DVL2: variants seen among roughly 807,000 people sequenced by gnomAD.
The protein encoded by DVL2 is segment polarity protein dishevelled homolog DVL-2.
Under a neutral mutation model 69.8 loss-of-function variants are expected in DVL2, and 38 were observed. That is an observed-to-expected ratio of 0.54 (90% CI 0.42 to 0.71). The LOEUF (loss-of-function observed/expected upper bound fraction) is 0.71. Ranked by LOEUF, DVL2 falls within the 30% of genes least tolerant of loss-of-function variation. DVL2 has a pLI of 0.00. For synonymous variants in DVL2, 428 were observed against 392.4 expected (o/e 1.09, Z -1.07); for missense variants, 931 against 1,008.1 (o/e 0.92, Z 1.04).
intron 1 of DVL2, among the ~76,000 whole-genome samples, chr17:7,231,336 G>A (rs2071539475): frequency 6.6e-6 from 1 of 150,446 alleles, no homozygotes; most frequent in African/African-American, 2.4e-5. Flanking sequence ...GATGGTGGGT[G>A]TCTATAATCC....
chr17:7,228,135 A>G lies in DVL2; in HGVS notation c.1035-91T>C, dbSNP rs546945495. 3 of 1,081,638 alleles carry G rather than the reference A, an allele frequency of 2.8e-6. No individual in the cohort carries two copies. The Admixed American group carries it at 7.2e-5, about 26-fold the overall frequency. 67.0% of individuals were successfully genotyped at this position (1,081,638 alleles called of 1,614,324 possible). On this transcript the variant is annotated intron_variant, in intron 9 of 14. Transcript: ENST00000005340. ...GAAGCAAGGATGGATTAAGAGACAC[A>G]AAGAGGGGGAGAAGCAAGCACATCG...
In DVL2 at chr17:7,229,232, T is replaced by C. The variant is rs762008450; in HGVS notation, c.860A>G (p.Asn287Ser). Residue 287 changes from asparagine (N) to serine (S), a missense_variant, in exon 8 of 15, where the codon AAT (asparagine) becomes AGT (serine). Physicochemically the swap from Asn to Ser is conservative, Grantham distance 46. This residue lies in a region of DVL2 where 555 missense variants were observed against 588.8 expected (regional missense o/e 0.94). Transcript: ENST00000005340. This position sits in a 1 kb window ranked among gnomAD's most constrained non-coding sequence, Gnocchi z 4.4. The stretch of plus-strand genomic sequence containing the variant: ...GTAGATGCCTCCGTCTCCCCGCTCA[T>C]TGCTCTGGCCAACAATGGAGATACC... The part of the protein sequence containing the change: ...FLGISIVGQS[N>S]ERGDGGIYIG... 1.2e-6 allele frequency: 2 copies of C among 1,614,144 alleles called. No individual in the cohort carries two copies. The highest frequency in any genetic ancestry group is 1.7e-6 in the Non-Finnish European group (2 of 1,180,010).
chr17:7,231,098 C>G (rs1049588963), intron 1 of DVL2, among the ~76,000 whole-genome samples: 10 of 152,168 alleles, frequency 6.6e-5, no homozygotes, highest in African/African-American at 2.4e-4. Context: ...CACGCTGATG[C>G]GGCTGCCTGA....
In DVL2 at chr17:7,226,018, G is replaced by A. The variant is rs1221220487; in HGVS notation, c.2058C>T (p.Pro686=). 1.2e-6 allele frequency: 2 copies of A among 1,612,888 alleles called. No homozygotes were observed. Among genetic ancestry groups the A allele is most frequent in the African/African-American group, 2.7e-5 (2 of 75,044 alleles). ...CTGGAGGGACTGGAGGTGGAGGTGG[G>A]GGCATCATGACCACCATCATGGGGT... The part of the protein sequence containing the change: ...PYNPMMVVMM[P]PPPPPVPPAV... Residue 686 remains proline, a synonymous_variant, in exon 15 of 15, where the codon CCC becomes CCT. Transcript: ENST00000005340.
Position 7,230,038 on chromosome 17 carries a change from C to A in DVL2, c.520+8G>T, listed in dbSNP as rs369510928. The A allele has an allele frequency of 5.6e-5, 91 of 1,613,480 alleles. No homozygotes were observed. The African/African-American group carries it at 1.2e-3, about 21-fold the overall frequency. ...CAGCCCTTCCCGGCCCCCAGGCCTG[C>A]CCCTCACCGCCATGCTCACTGCTGT... On this transcript the variant is annotated splice_region_variant and intron_variant, in intron 4 of 14. Coordinates refer to ENST00000005340, the MANE Select transcript of DVL2 (RefSeq NM_004422.3).
At chr17:7,230,512 G>C (rs1223657465) in intron 2 of DVL2, 82 bp from the exon 3 acceptor site, 1 of 1,562,612 alleles carries the variant, frequency 6.4e-7, no homozygotes, top group Non-Finnish European at 8.7e-7. Context: ...AATGAGAAAG[G>C]GTCTCAGAGA....
Position 7,229,920 on chromosome 17 carries a change from G to A in DVL2, c.544C>T (p.Pro182Ser). ...HGAGGHRTGG[P>S]SRLERHLAGY... is the part of the protein sequence containing the mutation. ...GCCAGGTGGCGCTCCAGCCTTGAGG[G>A]GCCACCAGTCCTGTGGCCCCCAGCT... Residue 182 changes from proline to serine, a missense_variant, in exon 5 of 15, where the codon CCC becomes TCC. Physicochemically the swap from Pro to Ser is moderately conservative, Grantham distance 74 (BLOSUM62 -1). This residue lies in a region of DVL2 where 555 missense variants were observed against 588.8 expected (regional missense o/e 0.94). Transcript: ENST00000005340. The surrounding 1 kb of genome is among the most constrained non-coding windows in gnomAD (Gnocchi z 4.4). 6.2e-7 allele frequency: 1 copy of A among 1,608,958 alleles called. No individual in the cohort carries two copies. Among genetic ancestry groups the A allele is most frequent in the Non-Finnish European group, 8.5e-7 (1 of 1,179,842 alleles).
chr17:7,226,330 G>T lies in DVL2; in HGVS notation c.1763-17C>A, dbSNP rs371737565. The T allele has an allele frequency of 6.5e-7, 1 of 1,548,178 alleles. No homozygotes were observed. The highest frequency in any genetic ancestry group is 1.4e-5 in the African/African-American group (1 of 72,932). ...TCCGGCTGCCTGTGGAGGGAGGGGAGGGGCAACTGAGTCCTCACCCAGGCT... is the reference window on the plus strand; with the variant it reads ...TCCGGCTGCCTGTGGAGGGAGGGGATGGGCAACTGAGTCCTCACCCAGGCT... On this transcript the variant is annotated splice_polypyrimidine_tract_variant and intron_variant, in intron 14 of 14. Coordinates refer to ENST00000005340, the MANE Select transcript of DVL2 (RefSeq NM_004422.3).
At position 7,234,267 on chromosome 17, in the gene DVL2, T is replaced by C. The variant is rs766891440; in HGVS notation, c.-5A>G. 1 of 1,607,566 alleles carries C rather than the reference T, an allele frequency of 6.2e-7. No homozygotes were observed. Among genetic ancestry groups the C allele is most frequent in the Admixed American group, 1.7e-5 (1 of 59,400 alleles). ...CCCAGTGCTGCTACCCGCCATGGTCTCGCCCGCGCGCTCCCGGGCTCCACC... is the reference window on the plus strand; with the variant it reads ...CCCAGTGCTGCTACCCGCCATGGTCCCGCCCGCGCGCTCCCGGGCTCCACC... On this transcript the variant is annotated 5_prime_UTR_variant, in exon 1 of 15. Coordinates refer to ENST00000005340, the MANE Select transcript of DVL2 (RefSeq NM_004422.3).
intron 10 of DVL2, 41 bp downstream of exon 10, chr17:7,227,936 C>T (rs1567573278): frequency 6.3e-7 from 1 of 1,575,676 alleles, no homozygotes; most frequent in African/African-American, 1.3e-5. Context: ...CCTGGGCAGC[C>T]CCCACCCCCA....
In DVL2 at chr17:7,229,146, T is replaced by A; in HGVS notation, c.946A>T (p.Met316Leu). 1 of 1,614,052 alleles carries A rather than the reference T, an allele frequency of 6.2e-7. No homozygotes were observed. Among genetic ancestry groups the A allele is most frequent in the Non-Finnish European group, 8.5e-7 (1 of 1,179,932 alleles). Residue 316 changes from methionine (M) to leucine (L), a missense_variant, in exon 8 of 15, where the codon ATG becomes TTG. Physicochemically the swap from Met to Leu is conservative, Grantham distance 15 (BLOSUM62 2). This residue lies in a region of DVL2 where 555 missense variants were observed against 588.8 expected (regional missense o/e 0.94). Coordinates refer to ENST00000005340, the MANE Select transcript of DVL2 (RefSeq NM_004422.3). The surrounding 1 kb of genome is among the most constrained non-coding windows in gnomAD (Gnocchi z 4.4). Reference protein sequence around the residue: ...AADGRIEPGDMLLQVNDMNFE... With the variant: ...AADGRIEPGDLLLQVNDMNFE... Reference sequence around the variant, plus strand: ...CTACCCCAGCACACCTGCAAAAGCATGTCCCCTGGCTCAATGCGCCCGTCG... The same window carrying A: ...CTACCCCAGCACACCTGCAAAAGCAAGTCCCCTGGCTCAATGCGCCCGTCG...
intron 1 of DVL2, among the ~76,000 whole-genome samples, chr17:7,232,218 G>A (rs2071553503): frequency 6.6e-6 from 1 of 152,148 alleles, no homozygotes; most frequent in African/African-American, 2.4e-5. Context: ...TAAAGCATCA[G>A]ACTCTCTACC....
At chr17:7,227,013 TG>T in intron 13 of DVL2, 76 bp downstream of exon 13, 1 of 1,449,658 alleles carries the variant, frequency 6.9e-7, no homozygotes, top group Non-Finnish European at 9.3e-7. Context: ...CTGCGGTTTC[TG>T]GGCTAGGTCT....
At chr17:7,231,409 G>C (rs909739150) in intron 1 of DVL2, among the ~76,000 whole-genome samples, 2 of 144,044 alleles carry the variant, frequency 1.4e-5, no homozygotes, top group Non-Finnish European at 3.0e-5. Flanking sequence ...GTTGCAGTAA[G>C]TCGAGATCGC....
intron 1 of DVL2, 26 bp from the exon 2 acceptor site, chr17:7,230,823 G>C (rs774058239): frequency 1.3e-6 from 2 of 1,592,174 alleles, no homozygotes; most frequent in South Asian, 2.2e-5. Context: ...GTAGAGGTCA[G>C]TGAGCTGGAC....
At position 7,230,277 on chromosome 17, in the gene DVL2, G is replaced by A. The variant is rs763735783; in HGVS notation, c.410+8C>T. The A allele has an allele frequency of 6.2e-7, 1 of 1,614,084 alleles. No homozygotes were observed. The highest frequency in any genetic ancestry group is 1.1e-5 in the South Asian group (1 of 91,076). On this transcript the variant is annotated splice_region_variant and intron_variant, in intron 3 of 14. Transcript: ENST00000005340. ...CCTCCCCTGCAGTCAAGAATCTGAAGGACTCACTGGAAGGATGGAGGCCTT... is the reference window on the plus strand; with the variant it reads ...CCTCCCCTGCAGTCAAGAATCTGAAAGACTCACTGGAAGGATGGAGGCCTT...
rs768794283 is a variant in DVL2, at chr17:7,234,185, G to C, written c.78C>G (p.Pro26=). ...VIYHLDEEET[P]YLVKIPVPAE... ...CGGGGACAGGGATCTTCACCAGGTA[G>C]GGAGTCTCTTCCTCATCCAGGTGGT... is the stretch of plus-strand genomic sequence containing the variant. Residue 26 remains proline, a synonymous_variant, in exon 1 of 15, where the codon CCC becomes CCG. Coordinates refer to ENST00000005340, the MANE Select transcript of DVL2 (RefSeq NM_004422.3). 1.9e-6 allele frequency: 3 copies of C among 1,614,160 alleles called. No homozygotes were observed. Among genetic ancestry groups the C allele is most frequent in the Admixed American group, 1.7e-5 (1 of 60,032 alleles).
At position 7,229,430 on chromosome 17, in the gene DVL2, G is replaced by T; in HGVS notation, c.765C>A (p.Ser255Arg). 1 of 1,614,032 alleles carries T rather than the reference G, an allele frequency of 6.2e-7. No homozygotes were observed. The highest frequency in any genetic ancestry group is 8.5e-7 in the Non-Finnish European group (1 of 1,180,024). Residue 255 changes from serine (S) to arginine (R), a missense_variant, in exon 7 of 15, where the codon AGC (serine) becomes AGA (arginine). Ser to Arg is a moderately radical substitution (Grantham distance 110). Coordinates refer to ENST00000005340, the MANE Select transcript of DVL2 (RefSeq NM_004422.3). This position sits in a 1 kb window ranked among gnomAD's most constrained non-coding sequence, Gnocchi z 4.4. ...PRLERTSSFS[S>R]VTDSTMSLNI... ...TGAGAGACATTGTGGAATCTGTGAC[G>T]CTGCTGAAGGATGACGTCTGTGGTG... is the stretch of plus-strand genomic sequence containing the variant.
chr17:7,225,963 T>G lies in DVL2; in HGVS notation c.2113A>C (p.Arg705=). 1 of 1,613,836 alleles carries G rather than the reference T, an allele frequency of 6.2e-7. No individual in the cohort carries two copies. Among genetic ancestry groups the G allele is most frequent in the African/African-American group, 1.3e-5 (1 of 75,058 alleles). Residue 705 remains arginine (R), a synonymous_variant, in exon 15 of 15, where the codon AGA becomes CGA. Transcript: ENST00000005340. The part of the protein sequence containing the change: ...AVQPPGAPPV[R]DLGSVPPELT... ...TCTGGGGGCACAGAGCCCAGGTCTC[T>G]GACTGGAGGGGCCCCCGGAGGCTGC... is the stretch of plus-strand genomic sequence containing the variant.
Sources: gnomAD v4.1 joint callset for allele counts (sites outside exome capture counted in the v4.1 genomes callset) on GRCh38, gnomAD v4.1.1 for gene constraint, gnomAD v4.1.1 regional missense constraint, Gnocchi (gnomAD v3.1) non-coding constraint, MANE v1.5 for transcripts, NCBI Gene and HGNC (gene_info 2026-07-23, HGNC 2026-07-21) for gene names.